CCDC178: variants seen among roughly 807,000 people sequenced by gnomAD.
CCDC178 encodes coiled-coil domain containing 178, also known as coiled-coil domain-containing protein 178.
In CCDC178, 126 loss-of-function variants were observed where a neutral mutation model predicts 117.4. The ratio of observed to expected loss-of-function variants is 1.07; its 90% CI spans 0.93 to 1.24. The LOEUF is 1.24. Ranked by LOEUF, CCDC178 falls within the 50% of genes most tolerant of loss-of-function variation. The pLI is 0.00. For missense variants in CCDC178, 1,030 were observed against 986.9 expected, an observed-to-expected ratio of 1.04 and a Z score of -0.59; for synonymous variants, 283 against 313.4, an observed-to-expected ratio of 0.90 and a Z score of 1.02.
intron 21 of CCDC178, among the ~76,000 whole-genome samples, chr18:33,014,150 A>G (rs533447105): frequency 6.6e-6 from 1 of 152,282 alleles, no homozygotes; most frequent in Admixed American, 6.5e-5. Flanking sequence ...CAGCCTTAAT[A>G]CCACAATAAC....
chr18:33,145,081 T>G (rs2058252329), intron 20 of CCDC178, among the ~76,000 whole-genome samples: 1 of 152,188 alleles, frequency 6.6e-6, no homozygotes. Context: ...ATTTGCAGTT[T>G]TATATCTGAT....
chr18:33,017,415 T>G (rs1350433618), intron 21 of CCDC178, among the ~76,000 whole-genome samples: 1 of 151,914 alleles, frequency 6.6e-6, no homozygotes, highest in Non-Finnish European at 1.5e-5. Flanking sequence ...TCTAAAAGTA[T>G]GAATACTGTT....
chr18:32,977,372 A>C (rs2055049345), intron 21 of CCDC178, among the ~76,000 whole-genome samples: 1 of 152,144 alleles, frequency 6.6e-6, no homozygotes, highest in Non-Finnish European at 1.5e-5. Context: ...CCTTTGCCAC[A>C]GAGTTTCCTG....
rs555990087 is a variant in CCDC178, at chr18:33,231,807, T to C, written c.1594-4952A>G. ...CCAGCAACACGCAGATAGCTGCTGC[T>C]GAACCCTATGTTGAGACACAACCCC... is the stretch of plus-strand genomic sequence containing the variant. On this transcript the variant is annotated intron_variant, in intron 15 of 22. Coordinates refer to ENST00000383096, the MANE Select transcript of CCDC178 (RefSeq NM_001105528.4). 2.6e-5 allele frequency among the ~76,000 whole-genome samples: 4 copies of C among 152,282 alleles called. No homozygotes were observed. The East Asian group carries it at 7.8e-4, about 30-fold the overall frequency.
intron 5 of CCDC178, among the ~76,000 whole-genome samples, chr18:33,383,042 G>C (rs1045598781): frequency 1.3e-5 from 2 of 152,162 alleles, no homozygotes; most frequent in Admixed American, 1.3e-4. Context: ...TGTGGCTTTA[G>C]TAGGCTGTTT....
In CCDC178 at chr18:33,348,835, A is replaced by G. The variant is rs1319540437; in HGVS notation, c.457+55T>C. On this transcript the variant is annotated intron_variant, in intron 8 of 22. Coordinates refer to ENST00000383096, the MANE Select transcript of CCDC178 (RefSeq NM_001105528.4). ...GTGACAATCAGAAATATATTAAATGAAGTCAATGAACTTTTAAATATATAC... is the reference window on the plus strand; with the variant it reads ...GTGACAATCAGAAATATATTAAATGGAGTCAATGAACTTTTAAATATATAC... 2.9e-6 allele frequency: 3 copies of G among 1,038,952 alleles called. No individual in the cohort carries two copies. In the East Asian group the frequency reaches 7.3e-5, roughly 25 times the overall value. 64.4% of individuals were successfully genotyped at this position (1,038,952 alleles called of 1,614,324 possible). A position where few individuals can be genotyped will look rare whatever the true frequency, so the allele number is the denominator to read the frequency against.
chr18:33,347,284 G>A lies in CCDC178; in HGVS notation c.458-873C>T, dbSNP rs534479019. 4.3e-4 allele frequency among the ~76,000 whole-genome samples: 66 copies of A among 152,168 alleles called. 1 individual carries two copies. Among genetic ancestry groups the A allele is most frequent in the African/African-American group, 1.6e-3 (65 of 41,544 alleles). ...AAACTGCACCAAGAAGAAAGAAAAC[G>A]AATACATTTCTTTTTTATGTTGCTT... On this transcript the variant is annotated intron_variant, in intron 8 of 22. Transcript: ENST00000383096.
At position 33,005,573 on chromosome 18, in the gene CCDC178, CAAT is replaced by C. The variant is rs1165130588; in HGVS notation, c.2389-30895_2389-30893del. Among the ~76,000 whole-genome samples the C allele has an allele frequency of 2.0e-5, 3 of 151,942 alleles. No homozygotes were observed. The East Asian group carries it at 5.8e-4, about 29-fold the overall frequency. On this transcript the variant is annotated intron_variant, in intron 21 of 22. Coordinates refer to ENST00000383096, the MANE Select transcript of CCDC178 (RefSeq NM_001105528.4). ...AACGCAACAGAGTGACAACAGACAA[CAAT>C]AACTTGTACATTTTAAAATAACTAA...
intron 12 of CCDC178, among the ~76,000 whole-genome samples, chr18:33,275,494 C>T (rs914927157): frequency 1.3e-5 from 2 of 149,630 alleles, no homozygotes; most frequent in Non-Finnish European, 3.0e-5. Context: ...CATTGAGGTT[C>T]ATTTTCCTTC....
intron 5 of CCDC178, among the ~76,000 whole-genome samples, chr18:33,370,663 T>C (rs193219515): frequency 2.0e-5 from 3 of 151,906 alleles, no homozygotes; most frequent in Admixed American, 6.6e-5. Context: ...CCAGCATGAG[T>C]TTCTCTTGCT....
Position 33,092,817 on chromosome 18 carries a change from A to G in CCDC178, c.2332T>C (p.Phe778Leu). Reference sequence around the variant, plus strand: ...GATAGCTGTTTATCATATATATTGAAATAATTGTCCTTTTCTTTTAAGAAT... The same window carrying G: ...GATAGCTGTTTATCATATATATTGAGATAATTGTCCTTTTCTTTTAAGAAT... Reference protein sequence around the residue: ...ITFLKEKDNYFNIYDKQLSLD... With the variant: ...ITFLKEKDNYLNIYDKQLSLD... Residue 778 changes from phenylalanine (F) to leucine (L), a missense_variant, in exon 21 of 23, where the codon TTC becomes CTC. Coordinates refer to ENST00000383096, the MANE Select transcript of CCDC178 (RefSeq NM_001105528.4). The G allele has an allele frequency of 6.4e-7, 1 of 1,560,008 alleles. No individual in the cohort carries two copies.
intron 21 of CCDC178, among the ~76,000 whole-genome samples, chr18:33,057,491 G>A (rs915846051): frequency 2.0e-5 from 3 of 151,940 alleles, no homozygotes; most frequent in East Asian, 3.9e-4. Flanking sequence ...TTAGAGAGAC[G>A]TAACTGAATT....
chr18:33,219,866 T>C (rs1480201400), intron 18 of CCDC178, among the ~76,000 whole-genome samples: 4 of 152,000 alleles, frequency 2.6e-5, no homozygotes, highest in Non-Finnish European at 4.4e-5. Flanking sequence ...ATGGCACATG[T>C]ATACATAAAC....
Position 33,180,580 on chromosome 18 carries a change from G to A in CCDC178, c.2238+31316C>T, listed in dbSNP as rs2058722866. On this transcript the variant is annotated intron_variant, in intron 20 of 22. Coordinates refer to ENST00000383096, the MANE Select transcript of CCDC178 (RefSeq NM_001105528.4). ...GCTACAATTTTAAAAATGTGCTATT[G>A]TTATTGTCCAGTGTCACATATTTTA... 2.0e-5 allele frequency among the ~76,000 whole-genome samples: 3 copies of A among 152,050 alleles called. No homozygotes were observed. The South Asian group carries it at 6.2e-4, about 32-fold the overall frequency.
At chr18:33,319,189 C>T (rs1480914011) in intron 11 of CCDC178, among the ~76,000 whole-genome samples, 3 of 151,764 alleles carry the variant, frequency 2.0e-5, no homozygotes, top group Admixed American at 6.6e-5. Flanking sequence ...TATCCCTCCC[C>T]GCTCCCTCCA....
intron 2 of CCDC178, among the ~76,000 whole-genome samples, chr18:33,427,745 T>C (rs11081807): frequency 0.098 from 14,885 of 152,260 alleles, 977 homozygotes; most frequent in Non-Finnish European, 0.15. Context: ...TATCTCATAC[T>C]GTATTCAGAA....
At chr18:33,134,135 C>G (rs534223723) in intron 20 of CCDC178, among the ~76,000 whole-genome samples, 194 of 151,896 alleles carry the variant, frequency 1.3e-3, no homozygotes, top group Non-Finnish European at 2.5e-3. Context: ...AAGTTATCAA[C>G]AAGAATTATA....
At chr18:33,414,103 C>T (rs1001077298) in intron 2 of CCDC178, among the ~76,000 whole-genome samples, 1 of 152,100 alleles carries the variant, frequency 6.6e-6, no homozygotes, top group African/African-American at 2.4e-5. Context: ...TAATATATCA[C>T]TAGAAAACTT....
At chr18:33,100,672 C>T (rs1227879083) in intron 20 of CCDC178, among the ~76,000 whole-genome samples, 2 of 151,912 alleles carry the variant, frequency 1.3e-5, no homozygotes, top group African/African-American at 4.8e-5. Context: ...CCCAGAAATA[C>T]AGATGCTTAT....
Sources: allele counts gnomAD v4.1 joint callset (sites outside exome capture counted in the v4.1 genomes callset), GRCh38; gene constraint gnomAD v4.1.1; transcripts MANE v1.5; gene names NCBI Gene and HGNC (gene_info 2026-07-23, HGNC 2026-07-21).